MX2: variants seen among roughly 807,000 people sequenced by gnomAD.
MX2 encodes the protein MX dynamin like GTPase 2.
Under a neutral mutation model 74.0 loss-of-function variants are expected in MX2, and 51 were observed. The observed-to-expected ratio is 0.69, with a 90% CI of 0.55 to 0.87. The LOEUF (loss-of-function observed/expected upper bound fraction) is 0.87. Among genes scored for constraint, MX2 ranks in the 40% least tolerant of loss-of-function variants. The pLI, the probability that MX2 is intolerant of heterozygous loss-of-function variation, is 0.00. For synonymous variants in MX2, 369 were observed against 339.3 expected, an observed-to-expected ratio of 1.09 and a Z score of -0.96; for missense variants, 832 against 908.7, an observed-to-expected ratio of 0.92 and a Z score of 1.09.
rs932486320 is a variant in MX2, at chr21:41,402,395, G to A, written c.1573+267G>A. ...GGGAAGCACACTGAGTGCCATAGGC[G>A]TTCCATCGCTGTCCTTCAAACACGT... On this transcript the variant is annotated intron_variant, in intron 11 of 13. Transcript: ENST00000330714. This position sits in a 1 kb window ranked among gnomAD's most constrained non-coding sequence, Gnocchi z 4.5. Among the ~76,000 whole-genome samples, 5 of 152,240 alleles carry A rather than the reference G, an allele frequency of 3.3e-5. No individual in the cohort carries two copies. The highest frequency in any genetic ancestry group is 4.1e-4 in the South Asian group (2 of 4,838).
chr21:41,405,194 G>C (rs748569554), intron 12 of MX2, among the ~76,000 whole-genome samples: 1 of 151,832 alleles, frequency 6.6e-6, no homozygotes, highest in Non-Finnish European at 1.5e-5. Flanking sequence ...GGGAGGCGGA[G>C]GTTGCAGTCA....
At chr21:41,393,110 C>CAAAAAAAAAAAAAAAAAAAAG (rs2089683340) in intron 6 of MX2, among the ~76,000 whole-genome samples, 10 of 60,086 alleles carry the variant, frequency 1.7e-4, no homozygotes, top group East Asian at 5.1e-4. Context: ...CTCAAAAAAG[C>CAAAAAAAAAAAAAAAAAAAAG]AAAAAAAAAA....
chr21:41,392,696 A>C (rs866799211), intron 6 of MX2, among the ~76,000 whole-genome samples: 4 of 152,142 alleles, frequency 2.6e-5, no homozygotes, highest in African/African-American at 9.7e-5. Flanking sequence ...TTGTAAAGAA[A>C]TTTTTTTTAA....
At chr21:41,393,808 A>G (rs961678573) in intron 6 of MX2, among the ~76,000 whole-genome samples, 1 of 152,184 alleles carries the variant, frequency 6.6e-6, no homozygotes, top group Non-Finnish European at 1.5e-5. Flanking sequence ...AAACGTGACC[A>G]GAACAGAACT....
At position 41,408,087 on chromosome 21, in the gene MX2, A is replaced by G. The variant is rs749653296; in HGVS notation, c.2002A>G (p.Ile668Val). ...CTCCTTGCAGAAAGCCATGATGCAGATACTACAGGAAAAAAATCGCTATTC... is the reference window on the plus strand; with the variant it reads ...CTCCTTGCAGAAAGCCATGATGCAGGTACTACAGGAAAAAAATCGCTATTC... ...GDSLQKAMMQ[I>V]LQEKNRYSWL... Residue 668 changes from isoleucine (I) to valine (V), a missense_variant, in exon 14 of 14, where the codon ATA (isoleucine) becomes GTA (valine). Physicochemically the swap from Ile to Val is conservative, Grantham distance 29 (BLOSUM62 3). Transcript: ENST00000330714. 1.2e-6 allele frequency: 2 copies of G among 1,614,244 alleles called. No individual in the cohort carries two copies. The highest frequency in any genetic ancestry group is 8.5e-7 in the Non-Finnish European group (1 of 1,180,046).
chr21:41,377,673 C>A (rs1401221423), intron 2 of MX2, 116 bp from the exon 3 acceptor site: 1 of 1,116,444 alleles, frequency 9.0e-7, no homozygotes, highest in Non-Finnish European at 1.3e-6. Flanking sequence ...CACCTTCTCA[C>A]CTCCTGTCTG....
chr21:41,387,959 C>T (rs139578341), intron 5 of MX2, among the ~76,000 whole-genome samples: 38 of 152,254 alleles, frequency 2.5e-4, no homozygotes, highest in Middle Eastern at 3.4e-3. Context: ...CACGACACGT[C>T]CAGTCCACCT....
intron 1 of MX2, among the ~76,000 whole-genome samples, chr21:41,372,076 A>G (rs529921214): frequency 1.3e-5 from 2 of 152,234 alleles, no homozygotes; most frequent in Non-Finnish European, 2.9e-5. Flanking sequence ...TTTGATAGGA[A>G]GATAGGTATT....
In MX2 at chr21:41,377,713, ACT is replaced by A. The variant is rs1464860967; in HGVS notation, c.250-73_250-72del. ...CCAACCTAACATCATAGCCGCACAA[ACT>A]CTGCCACACATCTCCATGACACCAG... is the stretch of plus-strand genomic sequence containing the variant. On this transcript the variant is annotated intron_variant, in intron 2 of 13. Coordinates refer to ENST00000330714, the MANE Select transcript of MX2 (RefSeq NM_002463.2). The A allele has an allele frequency of 6.6e-5, 97 of 1,472,868 alleles. 1 individual carries two copies. The East Asian group carries it at 2.2e-3, about 33-fold the overall frequency. 91.2% of individuals were successfully genotyped at this position (1,472,868 alleles called of 1,614,324 possible).
intron 5 of MX2, among the ~76,000 whole-genome samples, chr21:41,387,206 G>T (rs9305742): frequency 2.0e-5 from 3 of 151,946 alleles, no homozygotes; most frequent in African/African-American, 7.3e-5. Flanking sequence ...CTCCCCTCCC[G>T]GTCTTCCTGA....
At position 41,368,493 on chromosome 21, in the gene MX2, C is replaced by T. The variant is rs962792134; in HGVS notation, c.-72+6438C>T. 7.2e-5 allele frequency among the ~76,000 whole-genome samples: 11 copies of T among 152,148 alleles called. No individual in the cohort carries two copies. Among genetic ancestry groups the T allele is most frequent in the African/African-American group, 2.7e-4 (11 of 41,436 alleles). ...TTCTCATCCCCTACATGTCACCCCA[C>T]GGCTCACTCCTGCCTCCGACCTTCA... On this transcript the variant is annotated intron_variant, in intron 1 of 13. Coordinates refer to ENST00000330714, the MANE Select transcript of MX2 (RefSeq NM_002463.2). The surrounding 1 kb of genome is among the most constrained non-coding windows in gnomAD (Gnocchi z 4.6).
chr21:41,408,191 G>C lies in MX2; in HGVS notation c.2106G>C (p.Ala702=). The C allele has an allele frequency of 6.2e-7, 1 of 1,614,206 alleles. No homozygotes were observed. ...AGAGAATTTACCGGCTCACTCAGGC[G>C]CGACACGCACTCTGTCAATTCTCCA... The part of the protein sequence containing the change: ...LKERIYRLTQ[A]RHALCQFSSK... The change falls in exon 14 of 14, where the codon GCG becomes GCC. Residue 702 remains alanine, a synonymous_variant. Coordinates refer to ENST00000330714, the MANE Select transcript of MX2 (RefSeq NM_002463.2).
chr21:41,398,007 C>A (rs560400505), intron 8 of MX2, among the ~76,000 whole-genome samples: 1 of 152,126 alleles, frequency 6.6e-6, no homozygotes, highest in Non-Finnish European at 1.5e-5. Flanking sequence ...GTTAATACTT[C>A]CTGGTATAAA....
At position 41,395,794 on chromosome 21, in the gene MX2, C is replaced by T; in HGVS notation, c.1070+9C>T. 6.2e-7 allele frequency: 1 copy of T among 1,613,778 alleles called. No individual in the cohort carries two copies. The highest frequency in any genetic ancestry group is 8.5e-7 in the Non-Finnish European group (1 of 1,179,876). On this transcript the variant is annotated intron_variant, in intron 7 of 13. Coordinates refer to ENST00000330714, the MANE Select transcript of MX2 (RefSeq NM_002463.2). ...ACACATCCATATTTCAGGTGAGACT[C>T]TTCAGGAAAGCTCTGGAATTAGACT...
intron 10 of MX2, among the ~76,000 whole-genome samples, chr21:41,400,228 C>T (rs1046046694): frequency 2.6e-5 from 4 of 152,196 alleles, no homozygotes; most frequent in East Asian, 1.9e-4. Context: ...GGGGAATCCA[C>T]ATGAAATCGT....
chr21:41,385,198 A>C (rs147960220), intron 5 of MX2, among the ~76,000 whole-genome samples: 1 of 152,248 alleles, frequency 6.6e-6, no homozygotes, highest in African/African-American at 2.4e-5. Context: ...TGGCCTTTAC[A>C]TGCCTTTCTC....
At chr21:41,407,922 C>T in intron 13 of MX2, 69 bp from the exon 14 acceptor site, 1 of 1,588,442 alleles carries the variant, frequency 6.3e-7, no homozygotes, top group Non-Finnish European at 8.6e-7. Context: ...GAACTCCATG[C>T]CTTCTCTCTG....
In MX2 at chr21:41,382,546, C is replaced by A; in HGVS notation, c.714C>A (p.Pro238=). ...CCAGGGTGGCTGTGGACAACCAGCC[C>A]CGAGACATCGGACTGCAGGTGAGCC... ...GITRVAVDNQ[P]RDIGLQIKAL... The change falls in exon 5 of 14, where the codon CCC becomes CCA. Residue 238 remains proline, a synonymous_variant. Transcript: ENST00000330714. 1 of 1,614,184 alleles carries A rather than the reference C, an allele frequency of 6.2e-7. No homozygotes were observed. Among genetic ancestry groups the A allele is most frequent in the Non-Finnish European group, 8.5e-7 (1 of 1,180,046 alleles).
At chr21:41,362,141 G>A (rs2089215560) in intron 1 of MX2, 86 bp downstream of exon 1, 1 of 152,174 alleles carries the variant, frequency 6.6e-6, no homozygotes, top group African/African-American at 2.4e-5. Context: ...TGAGTAACGT[G>A]ACATCTGCTT....
Sources: allele counts gnomAD v4.1 joint callset (sites outside exome capture counted in the v4.1 genomes callset), GRCh38; gene constraint gnomAD v4.1.1; non-coding constraint Gnocchi (gnomAD v3.1); transcripts MANE v1.5; gene names NCBI Gene and HGNC (gene_info 2026-07-23, HGNC 2026-07-21).